DLGAP2: variants seen among roughly 807,000 people sequenced by gnomAD.
The protein encoded by DLGAP2 is disks large-associated protein 2.
Under a neutral mutation model 100.3 loss-of-function variants are expected in DLGAP2, and 26 were observed. That is an observed-to-expected ratio of 0.26 (90% confidence interval 0.19 to 0.36). The LOEUF (loss-of-function observed/expected upper bound fraction) is 0.36, where lower values mean the gene tolerates loss of function less well. Among genes scored for constraint, DLGAP2 ranks in the 10% least tolerant of loss-of-function variants. The pLI, the probability that DLGAP2 is intolerant of heterozygous loss-of-function variation, is 1.00. For missense variants in DLGAP2, 1,858 were observed against 1,453.2 expected (o/e 1.28, Z -4.53); for synonymous variants, 886 against 630.1 (o/e 1.41, Z -6.08).
intron 1 of DLGAP2, among the ~76,000 whole-genome samples, chr8:851,550 T>G (rs1301247370): frequency 6.6e-6 from 1 of 152,218 alleles, no homozygotes; most frequent in Non-Finnish European, 1.5e-5. Flanking sequence ...TTTGTGTATT[T>G]TATTGTGTAC....
intron 4 of DLGAP2, among the ~76,000 whole-genome samples, chr8:1,542,574 A>C (rs1018746852): frequency 6.6e-6 from 1 of 152,214 alleles, no homozygotes; most frequent in African/African-American, 2.4e-5. Flanking sequence ...TTCTGGGCTT[A>C]ATTGGTTTTA....
At position 1,176,883 on chromosome 8, in the gene DLGAP2, A is replaced by T. The variant is rs375482177; in HGVS notation, c.74-81968A>T. The stretch of plus-strand genomic sequence containing the variant: ...AGTAGCAGAGAGAGCCAAGGACTAG[A>T]TATGTCACCAACTCAGACAGGACCT... On this transcript the variant is annotated intron_variant, in intron 2 of 14. Transcript: ENST00000637795. Among the ~76,000 whole-genome samples, 135 of 152,202 alleles carry T rather than the reference A, an allele frequency of 8.9e-4. 2 individuals are homozygous for T. The highest frequency in any genetic ancestry group is 2.9e-3 in the African/African-American group (122 of 41,530).
chr8:1,215,416 C>T (rs150993911), intron 2 of DLGAP2, among the ~76,000 whole-genome samples: 2,018 of 151,866 alleles, frequency 0.013, 18 homozygotes, highest in Admixed American at 0.02. Context: ...GGGTGCATCA[C>T]CTGGAGACGT....
At chr8:1,598,621 G>C (rs1020632950) in intron 6 of DLGAP2, among the ~76,000 whole-genome samples, 1 of 151,944 alleles carries the variant, frequency 6.6e-6, no homozygotes, top group South Asian at 2.1e-4. Flanking sequence ...GAATGTATCA[G>C]TTTCTTCTAG....
intron 2 of DLGAP2, among the ~76,000 whole-genome samples, chr8:1,179,465 C>T (rs994805887): frequency 4.6e-5 from 7 of 152,254 alleles, no homozygotes; most frequent in Non-Finnish European, 1.0e-4. Context: ...TCAGGAGCGT[C>T]CCCAGCAGGC....
At chr8:897,488 G>T (rs1431983572) in intron 1 of DLGAP2, among the ~76,000 whole-genome samples, 1 of 152,224 alleles carries the variant, frequency 6.6e-6, no homozygotes, top group Non-Finnish European at 1.5e-5. Flanking sequence ...AAAAATTGTT[G>T]TGCAGACTAG....
At chr8:827,176 A>G (rs578146592) in intron 1 of DLGAP2, among the ~76,000 whole-genome samples, 3 of 152,340 alleles carry the variant, frequency 2.0e-5, no homozygotes, top group Admixed American at 2.0e-4. Context: ...GCCACAGCCA[A>G]GAATCATCCA....
chr8:1,507,410 T>C (rs1799961869), intron 4 of DLGAP2, among the ~76,000 whole-genome samples: 1 of 152,152 alleles, frequency 6.6e-6, no homozygotes, highest in African/African-American at 2.4e-5. Flanking sequence ...GCTGAGCCCT[T>C]CACTGCCCCG....
chr8:1,517,732 T>G (rs1800442870), intron 4 of DLGAP2, among the ~76,000 whole-genome samples: 1 of 152,304 alleles, frequency 6.6e-6, no homozygotes, highest in East Asian at 1.9e-4. Flanking sequence ...GCAGTTACGC[T>G]TGGAGTTTTG....
At chr8:1,660,035 C>G (rs2130823318) in intron 8 of DLGAP2, among the ~76,000 whole-genome samples, 1 of 152,208 alleles carries the variant, frequency 6.6e-6, no homozygotes, top group East Asian at 1.9e-4. Flanking sequence ...TAAGGCAGGC[C>G]TGGTGGTGAC....
At chr8:865,080 C>T (rs771987474) in intron 1 of DLGAP2, among the ~76,000 whole-genome samples, 2 of 152,180 alleles carry the variant, frequency 1.3e-5, no homozygotes, top group Non-Finnish European at 2.9e-5. Context: ...CTCAGCTATG[C>T]GGTCTCATGG....
At chr8:1,031,794 A>T (rs962130241) in intron 2 of DLGAP2, among the ~76,000 whole-genome samples, 1 of 152,388 alleles carries the variant, frequency 6.6e-6, no homozygotes, top group South Asian at 2.1e-4. Flanking sequence ...TTACCAAAAA[A>T]TAAAAATCAT....
rs544261189 is a variant in DLGAP2, at chr8:859,121, T to G, written c.19-48791T>G. Among the ~76,000 whole-genome samples, 20 of 152,086 alleles carry G rather than the reference T, an allele frequency of 1.3e-4. No homozygotes were observed. The South Asian group carries it at 4.1e-3, about 32-fold the overall frequency. ...CAGCCCCACCTTAGTCTTCTTTTTTTTTTTTTTTGAGATGGAGTCTCGCTC... is the reference window on the plus strand; with the variant it reads ...CAGCCCCACCTTAGTCTTCTTTTTTGTTTTTTTTGAGATGGAGTCTCGCTC... On this transcript the variant is annotated intron_variant, in intron 1 of 14. Coordinates refer to ENST00000637795, the MANE Select transcript of DLGAP2 (RefSeq NM_001346810.2).
chr8:1,012,299 A>T (rs1040807373), intron 2 of DLGAP2, among the ~76,000 whole-genome samples: 8 of 152,202 alleles, frequency 5.3e-5, no homozygotes, highest in African/African-American at 1.9e-4. Context: ...TGCACGGATT[A>T]CAGTTAAAAT....
chr8:1,498,691 CTACTT>C (rs1310167301), intron 3 of DLGAP2, among the ~76,000 whole-genome samples: 5 of 152,222 alleles, frequency 3.3e-5, no homozygotes, highest in Non-Finnish European at 5.9e-5. Context: ...TTATAACAAT[CTACTT>C]TAATAAAACG....
In DLGAP2 at chr8:1,080,000, A is replaced by G. The variant is rs1047491266; in HGVS notation, c.73+172034A>G. 2.0e-5 allele frequency among the ~76,000 whole-genome samples: 3 copies of G among 152,116 alleles called. No homozygotes were observed. The East Asian group carries it at 5.8e-4, about 29-fold the overall frequency. On this transcript the variant is annotated intron_variant, in intron 2 of 14. Coordinates refer to ENST00000637795, the MANE Select transcript of DLGAP2 (RefSeq NM_001346810.2). ...GACTGTTGTTATTCTGCTTCTAGAG[A>G]TGAGGAAGTGGAGGCTTCTGAAAGA...
At chr8:790,141 C>T (rs1467743418) in intron 1 of DLGAP2, among the ~76,000 whole-genome samples, 2 of 152,122 alleles carry the variant, frequency 1.3e-5, no homozygotes, top group African/African-American at 4.8e-5. Context: ...TGGAAGCTCA[C>T]AGGGGAGGAG....
intron 4 of DLGAP2, among the ~76,000 whole-genome samples, chr8:1,504,652 CTG>C (rs1799842842): frequency 6.6e-6 from 1 of 152,210 alleles, no homozygotes; most frequent in Non-Finnish European, 1.5e-5. Flanking sequence ...ACCTGTCTTT[CTG>C]TGCCTGGCTT....
intron 2 of DLGAP2, among the ~76,000 whole-genome samples, chr8:1,065,707 C>T (rs1053533178): frequency 6.6e-6 from 1 of 152,170 alleles, no homozygotes; most frequent in Non-Finnish European, 1.5e-5. Flanking sequence ...CTGTGCTGAA[C>T]GTCGGCACTT....
Sources: allele counts gnomAD v4.1 joint callset (sites outside exome capture counted in the v4.1 genomes callset), GRCh38; gene constraint gnomAD v4.1.1; transcripts MANE v1.5; gene names NCBI Gene and HGNC (gene_info 2026-07-23, HGNC 2026-07-21).